Variants in NRXN3 observed in about 807,000 individuals in gnomAD.
NRXN3 encodes the protein neurexin 3, also known as neurexin III.
Under a neutral mutation model 137.6 loss-of-function variants are expected in NRXN3, and 32 were observed. The observed-to-expected ratio is 0.23, with a 90% CI of 0.18 to 0.31. The LOEUF (loss-of-function observed/expected upper bound fraction) is 0.31, where lower values mean the gene tolerates loss of function less well. Ranked by LOEUF, NRXN3 falls within the 10% of genes least tolerant of loss-of-function variation. The probability of loss-of-function intolerance (pLI) is 1.00; values close to 1 mark genes in which losing one functional copy is unlikely to be tolerated. For missense variants in NRXN3, 1,574 were observed against 2,062.5 expected (o/e 0.76, Z 4.59); for synonymous variants, 798 against 784.5 (o/e 1.02, Z -0.29).
chr14:79,314,261 A>G (rs1598594318), intron 15 of NRXN3: 1 of 130,300 alleles, frequency 7.7e-6, no homozygotes, highest in African/African-American at 3.0e-5. Flanking sequence ...GGGAAGCGCA[A>G]GGGGTCAGGG....
At chr14:78,926,941 TATATATA>T (rs2099304914) in intron 10 of NRXN3, among the ~76,000 whole-genome samples, 1 of 44,128 alleles carries the variant, frequency 2.3e-5, no homozygotes, top group Non-Finnish European at 3.5e-5. Flanking sequence ...TATTTATATA[TATATATA>T]ATATATATAA....
chr14:78,707,491 T>G (rs2098364248), intron 6 of NRXN3, among the ~76,000 whole-genome samples: 2 of 152,220 alleles, frequency 1.3e-5, no homozygotes, highest in South Asian at 4.1e-4. Context: ...TTTTTGAAAT[T>G]CTAATTTCAT....
chr14:78,198,717 A>G (rs2061431172), intron 1 of NRXN3, among the ~76,000 whole-genome samples: 1 of 152,242 alleles, frequency 6.6e-6, no homozygotes, highest in Non-Finnish European at 1.5e-5. Context: ...AAGTTTATTA[A>G]TAGTTCAAGT....
chr14:78,992,509 A>G (rs2099520965), intron 15 of NRXN3, among the ~76,000 whole-genome samples: 1 of 152,190 alleles, frequency 6.6e-6, no homozygotes, highest in Non-Finnish European at 1.5e-5. Context: ...AAATTCTAGC[A>G]TGTTGTAGCC....
intron 4 of NRXN3, among the ~76,000 whole-genome samples, chr14:78,476,514 G>T (rs762073442): frequency 4.0e-5 from 6 of 151,268 alleles, no homozygotes; most frequent in Non-Finnish European, 7.4e-5. Flanking sequence ...GCTGGGGTCT[G>T]GTTAGAATAA....
At chr14:78,968,086 G>A in intron 13 of NRXN3, 87 bp from the exon 14 acceptor site, 1 of 247,882 alleles carries the variant, frequency 4.0e-6, no homozygotes, top group East Asian at 1.2e-4. Context: ...TTCCTTATCT[G>A]ATGAATTATC....
intron 15 of NRXN3, among the ~76,000 whole-genome samples, chr14:79,053,192 C>T (rs974205836): frequency 1.3e-5 from 2 of 152,208 alleles, no homozygotes; most frequent in African/African-American, 4.8e-5. Context: ...CAACTAAACT[C>T]ACTGAGAATC....
chr14:79,117,685 GA>G lies in NRXN3; in HGVS notation c.3262+129552del, dbSNP rs112906895. On this transcript the variant is annotated intron_variant, in intron 15 of 20. Transcript: ENST00000335750. ...CTAGTAGCAAACAAGAAAAAGAAAA[GA>G]AAAAAAAGCATTTTCAGTCTTTGGC... is the stretch of plus-strand genomic sequence containing the variant. 2.4e-4 allele frequency among the ~76,000 whole-genome samples: 36 copies of G among 151,834 alleles called. No homozygotes were observed. In the South Asian group the frequency reaches 7.1e-3, roughly 30 times the overall value.
At chr14:78,809,879 A>G (rs563027799) in intron 9 of NRXN3, among the ~76,000 whole-genome samples, 32 of 152,302 alleles carry the variant, frequency 2.1e-4, no homozygotes, top group African/African-American at 7.7e-4. Flanking sequence ...TTAAAAACGA[A>G]TTTTAAGAAA....
intron 16 of NRXN3, among the ~76,000 whole-genome samples, chr14:79,531,650 T>G (rs1208316864): frequency 6.6e-6 from 1 of 152,172 alleles, no homozygotes; most frequent in Non-Finnish European, 1.5e-5. Flanking sequence ...ATAGTGTATG[T>G]CTAGGTCATG....
chr14:79,189,296 C>T (rs1163232970), intron 15 of NRXN3, among the ~76,000 whole-genome samples: 1 of 149,568 alleles, frequency 6.7e-6, no homozygotes, highest in African/African-American at 2.5e-5. Context: ...AACAAAAAAC[C>T]AAACACCATG....
At chr14:78,789,089 G>A (rs1334743001) in intron 8 of NRXN3, among the ~76,000 whole-genome samples, 2 of 152,150 alleles carry the variant, frequency 1.3e-5, no homozygotes, top group South Asian at 4.1e-4. Flanking sequence ...GCACAATAAA[G>A]CAATGGCAAA....
At chr14:78,414,355 AG>A (rs1401216911) in intron 4 of NRXN3, among the ~76,000 whole-genome samples, 2 of 152,134 alleles carry the variant, frequency 1.3e-5, no homozygotes, top group Admixed American at 1.3e-4. Flanking sequence ...GTGTAAGGGC[AG>A]GGTGGTTGTT....
At chr14:79,398,678 G>A (rs902483654) in intron 15 of NRXN3, among the ~76,000 whole-genome samples, 3 of 152,066 alleles carry the variant, frequency 2.0e-5, no homozygotes, top group African/African-American at 7.2e-5. Flanking sequence ...AGAAGCATCT[G>A]TTGGAGGGGT....
intron 16 of NRXN3, among the ~76,000 whole-genome samples, chr14:79,635,505 A>G (rs2098396944): frequency 6.6e-6 from 1 of 152,106 alleles, no homozygotes; most frequent in Admixed American, 6.5e-5. Context: ...AACAAGACTT[A>G]TTTTTTTCCT....
intron 4 of NRXN3, among the ~76,000 whole-genome samples, chr14:78,588,377 CAAGTA>C (rs2097087405): frequency 6.6e-6 from 1 of 152,192 alleles, no homozygotes; most frequent in Admixed American, 6.5e-5. Flanking sequence ...CATCCAATCA[CAAGTA>C]AATTACTGCT....
At chr14:79,142,302 T>C (rs1484629007) in intron 15 of NRXN3, among the ~76,000 whole-genome samples, 1 of 152,036 alleles carries the variant, frequency 6.6e-6, no homozygotes, top group East Asian at 1.9e-4. Flanking sequence ...GGCGGGCACC[T>C]GTATTCCCAG....
intron 16 of NRXN3, among the ~76,000 whole-genome samples, chr14:79,619,820 A>G (rs889437045): frequency 7.9e-5 from 12 of 152,152 alleles, no homozygotes; most frequent in Non-Finnish European, 1.2e-4. Flanking sequence ...TACCATATGC[A>G]TGAAAAGATA....
At chr14:79,397,308 A>G (rs550195411) in intron 15 of NRXN3, among the ~76,000 whole-genome samples, 4 of 152,276 alleles carry the variant, frequency 2.6e-5, no homozygotes, top group Admixed American at 2.6e-4. Context: ...TTTCATGAAA[A>G]TGTTTGTCAG....
Sources: allele counts gnomAD v4.1 joint callset (sites outside exome capture counted in the v4.1 genomes callset), GRCh38; gene constraint gnomAD v4.1.1; transcripts MANE v1.5; gene names NCBI Gene and HGNC (gene_info 2026-07-23, HGNC 2026-07-21).